MAML2: variants seen among roughly 807,000 people sequenced by gnomAD.
MAML2 encodes the protein mastermind like transcriptional coactivator 2.
In MAML2, 22 loss-of-function variants were observed where a neutral mutation model predicts 96.1. The observed-to-expected ratio is 0.23, with a 90% CI of 0.16 to 0.33. MAML2 has a LOEUF of 0.33. Among genes scored for constraint, MAML2 ranks in the 10% least tolerant of loss-of-function variants. MAML2 has a pLI of 1.00. For missense variants in MAML2, 1,367 were observed against 1,392.4 expected, an observed-to-expected ratio of 0.98 and a Z score of 0.29; for synonymous variants, 561 against 521.3, an observed-to-expected ratio of 1.08 and a Z score of -1.04.
chr11:96,185,801 T>C (rs1861566795), intron 1 of MAML2, among the ~76,000 whole-genome samples: 1 of 152,218 alleles, frequency 6.6e-6, no homozygotes, highest in African/African-American at 2.4e-5. Context: ...CCTCCAGTCT[T>C]CTGGTCTTTG....
intron 2 of MAML2, among the ~76,000 whole-genome samples, chr11:96,013,874 C>T (rs1388111973): frequency 4.1e-4 from 62 of 152,224 alleles, no homozygotes; most frequent in Non-Finnish European, 3.1e-4. Flanking sequence ...CTGATTCTTC[C>T]TGTACACCAA....
intron 2 of MAML2, among the ~76,000 whole-genome samples, chr11:96,026,064 A>G (rs1858512311): frequency 6.6e-6 from 1 of 152,162 alleles, no homozygotes; most frequent in African/African-American, 2.4e-5. Context: ...TGCCTATTTT[A>G]TAGATGAGGA....
intron 2 of MAML2, among the ~76,000 whole-genome samples, chr11:95,999,278 A>G (rs1171195815): frequency 6.6e-6 from 1 of 152,164 alleles, no homozygotes; most frequent in East Asian, 1.9e-4. Flanking sequence ...GTGTCTCTGT[A>G]AATCATGGTC....
chr11:96,144,834 A>G (rs1283474418), intron 1 of MAML2, among the ~76,000 whole-genome samples: 1 of 152,226 alleles, frequency 6.6e-6, no homozygotes, highest in Non-Finnish European at 1.5e-5. Flanking sequence ...TTTCACTCTT[A>G]TACAAATCCC....
chr11:96,341,631 C>A lies in MAML2; in HGVS notation c.265G>T (p.Ala89Ser). The A allele has an allele frequency of 6.4e-7, 1 of 1,554,448 alleles. No individual in the cohort carries two copies. Among genetic ancestry groups the A allele is most frequent in the Non-Finnish European group, 8.7e-7 (1 of 1,148,282 alleles). Residue 89 changes from alanine (A) to serine (S), a missense_variant, in exon 1 of 5, where the codon GCT becomes TCT. Ala to Ser is a moderately conservative substitution (Grantham distance 99). Coordinates refer to ENST00000524717, the MANE Select transcript of MAML2 (RefSeq NM_032427.4). ...GCGGTGGCCTTGGTGTGTTTGCCAG[C>A]TTTCCTTGCCCCCTGGCCATGCTGT... ...LVQHGQGARK[A>S]GKHTKATATA...
At chr11:96,267,312 C>T (rs1222657377) in intron 1 of MAML2, among the ~76,000 whole-genome samples, 3 of 151,958 alleles carry the variant, frequency 2.0e-5, no homozygotes, top group Admixed American at 2.0e-4. Context: ...AAGACTGTGA[C>T]ACAAATAGAC....
At chr11:96,252,176 C>T (rs966802859) in intron 1 of MAML2, among the ~76,000 whole-genome samples, 10 of 146,932 alleles carry the variant, frequency 6.8e-5, no homozygotes, top group African/African-American at 1.6e-4. Flanking sequence ...TCTCTCTCTA[C>T]ACACACACAC....
At chr11:96,261,701 A>C (rs1006373924) in intron 1 of MAML2, among the ~76,000 whole-genome samples, 1 of 152,218 alleles carries the variant, frequency 6.6e-6, no homozygotes, top group African/African-American at 2.4e-5. Context: ...TAGTGACATG[A>C]TATTGTGCAA....
In MAML2 at chr11:96,135,545, C is replaced by CTTTTTTTTTTTTTTTTTTT. The variant is rs10665067; in HGVS notation, c.514-42029_514-42028insAAAAAAAAAAAAAAAAAAA. Among the ~76,000 whole-genome samples, 2 of 139,544 alleles carry CTTTTTTTTTTTTTTTTTTT rather than the reference C, an allele frequency of 1.4e-5. 1 individual carries two copies. Among genetic ancestry groups the CTTTTTTTTTTTTTTTTTTT allele is most frequent in the Non-Finnish European group, 3.1e-5 (2 of 65,302 alleles). 91.5% of individuals were successfully genotyped at this position (139,544 alleles called of 152,430 possible). On this transcript the variant is annotated intron_variant, in intron 1 of 4. Coordinates refer to ENST00000524717, the MANE Select transcript of MAML2 (RefSeq NM_032427.4). ...GCAGAAGAGAGGTCCCAATCCAAGG[C>CTTTTTTTTTTTTTTTTTTT]TTTTTTTTTTTTTTTTTAAACCGTG... is the stretch of plus-strand genomic sequence containing the variant.
chr11:96,287,309 G>T lies in MAML2; in HGVS notation c.513+54074C>A, dbSNP rs60143950. 8.8e-3 allele frequency among the ~76,000 whole-genome samples: 1,344 copies of T among 152,342 alleles called. 22 individuals carry two copies. The highest frequency in any genetic ancestry group is 0.031 in the African/African-American group (1,287 of 41,580). The stretch of plus-strand genomic sequence containing the variant: ...AATATATATGTCCCAAAGAGAAGCT[G>T]ATGGTAACTAAGAGGCCCTTTGGGG... On this transcript the variant is annotated intron_variant, in intron 1 of 4. Transcript: ENST00000524717.
intron 2 of MAML2, among the ~76,000 whole-genome samples, chr11:96,039,559 G>GA: frequency 6.6e-6 from 1 of 152,300 alleles, no homozygotes; most frequent in East Asian, 1.9e-4. Flanking sequence ...GAAGGTTTCT[G>GA]ACATGGCGCA....
chr11:95,992,507 C>G (rs753031842), intron 2 of MAML2, among the ~76,000 whole-genome samples: 1 of 152,138 alleles, frequency 6.6e-6, no homozygotes, highest in African/African-American at 2.4e-5. Context: ...GTTGAATATT[C>G]TCATTAATTC....
At chr11:96,314,721 T>C (rs969404662) in intron 1 of MAML2, among the ~76,000 whole-genome samples, 24 of 152,368 alleles carry the variant, frequency 1.6e-4, no homozygotes, top group African/African-American at 5.3e-4. Flanking sequence ...TCCATTATTC[T>C]GTCTAGAAGA....
chr11:96,132,969 T>C (rs1860569734), intron 1 of MAML2, among the ~76,000 whole-genome samples: 2 of 152,206 alleles, frequency 1.3e-5, no homozygotes, highest in South Asian at 4.1e-4. Flanking sequence ...TTTCTGATGC[T>C]TATGGATACA....
At chr11:95,988,113 ATGTGTGTGTGTG>A (rs141507951) in intron 3 of MAML2, among the ~76,000 whole-genome samples, 1 of 145,378 alleles carries the variant, frequency 6.9e-6, no homozygotes, top group African/African-American at 2.5e-5. Context: ...TGAAGACAGG[ATGTGTGTGTGTG>A]TGTGTGTGTG....
intron 2 of MAML2, among the ~76,000 whole-genome samples, chr11:96,006,567 T>TC (rs1352313620): frequency 6.6e-6 from 1 of 151,508 alleles, no homozygotes; most frequent in Admixed American, 6.6e-5. Context: ...TTTTTTCTTT[T>TC]TTTTTTTTAA....
At chr11:96,034,408 A>AGTATGTGT (rs1554998904) in intron 2 of MAML2, among the ~76,000 whole-genome samples, 1 of 126,650 alleles carries the variant, frequency 7.9e-6, no homozygotes, top group African/African-American at 3.4e-5. Flanking sequence ...AATACTTTGA[A>AGTATGTGT]GTGTGTGTGT....
At chr11:96,328,310 T>C (rs1422916227) in intron 1 of MAML2, among the ~76,000 whole-genome samples, 1 of 152,154 alleles carries the variant, frequency 6.6e-6, no homozygotes. Flanking sequence ...CCAGCAAATC[T>C]TAACAGAAGA....
At chr11:96,032,508 A>G (rs1362933868) in intron 2 of MAML2, among the ~76,000 whole-genome samples, 3 of 144,172 alleles carry the variant, frequency 2.1e-5, no homozygotes, top group Admixed American at 1.5e-4. Context: ...GATTGCTTGA[A>G]CCCTGGAGGC....
Sources: allele counts gnomAD v4.1 joint callset (sites outside exome capture counted in the v4.1 genomes callset), GRCh38; gene constraint gnomAD v4.1.1; transcripts MANE v1.5; gene names NCBI Gene and HGNC (gene_info 2026-07-23, HGNC 2026-07-21).